The following DPP6 variants were observed in gnomAD, a reference collection of about 807,000 sequenced individuals.
DPP6 encodes A-type potassium channel modulatory protein DPP6.
Under a neutral mutation model 122.6 loss-of-function variants are expected in DPP6, and 69 were observed. The observed-to-expected ratio is 0.56, with a 90% CI of 0.46 to 0.69. The LOEUF (loss-of-function observed/expected upper bound fraction) is 0.69, where lower values mean the gene tolerates loss of function less well. Ranked by LOEUF, DPP6 falls within the 30% of genes least tolerant of loss-of-function variation. The probability of loss-of-function intolerance (pLI) is 0.00; values close to 1 mark genes in which losing one functional copy is unlikely to be tolerated. For synonymous variants in DPP6, 418 were observed against 433.1 expected, an observed-to-expected ratio of 0.97 and a Z score of 0.43; for missense variants, 928 against 1,116.9, an observed-to-expected ratio of 0.83 and a Z score of 2.41.
At chr7:154,041,102 C>T (rs920881696) in intron 1 of DPP6, among the ~76,000 whole-genome samples, 2 of 152,134 alleles carry the variant, frequency 1.3e-5, no homozygotes, top group Non-Finnish European at 2.9e-5. Flanking sequence ...CCTTCCTCTA[C>T]CCTCCTCTTT....
the DPP6 span, among the ~76,000 whole-genome samples, chr7:153,756,093 T>C: frequency 6.6e-6 from 1 of 152,086 alleles, no homozygotes; most frequent in Admixed American, 6.6e-5. Flanking sequence ...AACTCATGGT[T>C]GCAGGTACCA....
intron 1 of DPP6, among the ~76,000 whole-genome samples, chr7:154,219,489 G>A (rs113650746): frequency 2.6e-5 from 4 of 152,162 alleles, no homozygotes; most frequent in East Asian, 3.8e-4. Flanking sequence ...AGACCTTTCC[G>A]GGTAACTGAA....
chr7:154,264,187 C>T (rs548300598), intron 1 of DPP6, among the ~76,000 whole-genome samples: 33 of 152,266 alleles, frequency 2.2e-4, no homozygotes, highest in South Asian at 4.2e-4. Flanking sequence ...CATATATTTG[C>T]ACTGAGTTCA....
chr7:154,425,642 G>GTGTC (rs1817854240), intron 1 of DPP6, among the ~76,000 whole-genome samples: 1 of 151,398 alleles, frequency 6.6e-6, no homozygotes, highest in Non-Finnish European at 1.5e-5. Flanking sequence ...GTGTGTGTGT[G>GTGTC]TGTGTGTGTG....
chr7:154,184,727 G>A (rs1798269316), intron 1 of DPP6, among the ~76,000 whole-genome samples: 2 of 151,860 alleles, frequency 1.3e-5, no homozygotes, highest in Admixed American at 1.3e-4. Context: ...GATATGCTGA[G>A]AGATACACAC....
intron 1 of DPP6, among the ~76,000 whole-genome samples, chr7:154,172,647 A>G (rs1472969006): frequency 7.0e-6 from 1 of 143,740 alleles, no homozygotes; most frequent in African/African-American, 2.7e-5. Flanking sequence ...GTGACCCAGG[A>G]TGGACTGCAG....
Position 154,478,372 on chromosome 7 carries a change from A to T in DPP6, c.457+3335A>T, listed in dbSNP as rs575033886. ...ATGGAACTGTTTCTTAGTGATAGAC[A>T]TAAGAATTATTACCCACCACCACCA... On this transcript the variant is annotated intron_variant, in intron 3 of 25. Coordinates refer to ENST00000377770, the MANE Select transcript of DPP6 (RefSeq NM_130797.4). Among the ~76,000 whole-genome samples, 6 of 152,260 alleles carry T rather than the reference A, an allele frequency of 3.9e-5. No individual in the cohort carries two copies. The South Asian group carries it at 1.2e-3, about 32-fold the overall frequency.
At chr7:154,103,084 G>C (rs1006310443) in intron 1 of DPP6, among the ~76,000 whole-genome samples, 1 of 152,052 alleles carries the variant, frequency 6.6e-6, no homozygotes, top group African/African-American at 2.4e-5. Flanking sequence ...TCCCCAATGA[G>C]TACCCTGATC....
intron 17 of DPP6, among the ~76,000 whole-genome samples, chr7:154,862,859 T>C (rs531394567): frequency 3.3e-5 from 5 of 152,318 alleles, no homozygotes; most frequent in African/African-American, 1.2e-4. Flanking sequence ...AAAAGAATAA[T>C]AGTTGCCCAA....
At chr7:154,552,112 C>A (rs186273688) in intron 4 of DPP6, among the ~76,000 whole-genome samples, 1 of 152,282 alleles carries the variant, frequency 6.6e-6, no homozygotes, top group East Asian at 1.9e-4. Flanking sequence ...CTTATCTAAG[C>A]ACTTGCAGGT....
At chr7:153,749,736 T>G in the DPP6 span, among the ~76,000 whole-genome samples, 2 of 152,180 alleles carry the variant, frequency 1.3e-5, no homozygotes, top group African/African-American at 4.8e-5. The surrounding 1 kb of genome is among the most constrained non-coding windows in gnomAD (Gnocchi z 4.1). Flanking sequence ...GCCTCACCTG[T>G]CTGCCATTCC....
intron 7 of DPP6, among the ~76,000 whole-genome samples, chr7:154,701,872 A>G (rs1840549079): frequency 6.6e-6 from 1 of 152,230 alleles, no homozygotes; most frequent in Non-Finnish European, 1.5e-5. Flanking sequence ...CCATCACCTT[A>G]TACAAATGCA....
chr7:154,431,461 CTTTTCTTTTCTTTTCTTTTCTTTTCT>C (rs1188791717), intron 1 of DPP6, among the ~76,000 whole-genome samples: 2 of 19,714 alleles, frequency 1.0e-4, no homozygotes, highest in Non-Finnish European at 1.7e-4. Context: ...CTTTTCTTTT[CTTTTCTTTTCTTTTCTTTTCTTTTCT>C]TTTCTTTTCT....
intron 1 of DPP6, among the ~76,000 whole-genome samples, chr7:154,154,497 T>C (rs1796584360): frequency 6.6e-6 from 1 of 152,222 alleles, no homozygotes; most frequent in Non-Finnish European, 1.5e-5. Context: ...AAAATATTAC[T>C]GATGCAATCC....
Position 154,755,148 on chromosome 7 carries a change from T to A in DPP6, c.884-14269T>A, listed in dbSNP as rs1371413148. ...TCCCAGAACTTAAAGTAAAATAAAT[T>A]AAAAAAAAAAAAAAAAGAAACTGAA... On this transcript the variant is annotated intron_variant, in intron 8 of 25. Coordinates refer to ENST00000377770, the MANE Select transcript of DPP6 (RefSeq NM_130797.4). The surrounding 1 kb of genome is among the most constrained non-coding windows in gnomAD (Gnocchi z 4.7). Among the ~76,000 whole-genome samples, 6 of 131,574 alleles carry A rather than the reference T, an allele frequency of 4.6e-5. No homozygotes were observed. Among genetic ancestry groups the A allele is most frequent in the African/African-American group, 5.5e-5 (2 of 36,566 alleles). The allele number at this position is 131,574 out of a possible 152,430, so 86.3% of individuals were successfully genotyped here.
At chr7:153,965,553 C>T (rs1795657314) in intron 1 of DPP6, among the ~76,000 whole-genome samples, 1 of 152,050 alleles carries the variant, frequency 6.6e-6, no homozygotes, top group Non-Finnish European at 1.5e-5. Flanking sequence ...CGCTGTGTCC[C>T]CCAGGTTGGA....
chr7:154,173,539 T>TCC (rs1273461973), intron 1 of DPP6, among the ~76,000 whole-genome samples: 1 of 152,064 alleles, frequency 6.6e-6, no homozygotes, highest in African/African-American at 2.4e-5. Flanking sequence ...CTCTCTGCCT[T>TCC]CTCTCTCTGT....
chr7:153,974,302 G>T (rs920190613), intron 1 of DPP6, among the ~76,000 whole-genome samples: 1 of 152,176 alleles, frequency 6.6e-6, no homozygotes, highest in Non-Finnish European at 1.5e-5. Flanking sequence ...GCTTCATCTT[G>T]CTCTGCAGTG....
intron 1 of DPP6, among the ~76,000 whole-genome samples, chr7:154,188,272 C>G (rs7801469): frequency 0.03 from 4,556 of 152,154 alleles, 212 homozygotes; most frequent in African/African-American, 0.1. Context: ...GAGCAGTGAA[C>G]TCTACTTTCA....
Sources: gnomAD v4.1 joint callset for allele counts (sites outside exome capture counted in the v4.1 genomes callset) on GRCh38, gnomAD v4.1.1 for gene constraint, Gnocchi (gnomAD v3.1) non-coding constraint, MANE v1.5 for transcripts, NCBI Gene and HGNC (gene_info 2026-07-23, HGNC 2026-07-21) for gene names.